The following CAMK4 variants were observed in gnomAD, a reference collection of about 807,000 sequenced individuals.
The protein encoded by CAMK4 is calcium/calmodulin dependent protein kinase IV.
CAMK4 carries 22 observed loss-of-function variants against 44.9 expected under a neutral mutation model. That is an observed-to-expected ratio of 0.49 (90% CI 0.35 to 0.70). The LOEUF is 0.70. CAMK4 is among the 30% of genes least tolerant of loss of function. The pLI is 0.01. For synonymous variants in CAMK4, 218 were observed against 215.4 expected (o/e 1.01, Z -0.11); for missense variants, 498 against 586.8 (o/e 0.85, Z 1.56).
upstream of CAMK4, chr5:111,224,232 T>C: frequency 2.8e-6 from 1 of 362,214 alleles, no homozygotes; most frequent in South Asian, 6.0e-5. This position sits in a 1 kb window ranked among gnomAD's most constrained non-coding sequence, Gnocchi z 5.7. Flanking sequence ...GGAGCCTCTC[T>C]CCTCAGCGGT....
intron 7 of CAMK4, among the ~76,000 whole-genome samples, chr5:111,456,711 C>G (rs190385298): frequency 2.5e-3 from 377 of 151,918 alleles, no homozygotes; most frequent in African/African-American, 8.5e-3. Context: ...TTAAAGACTA[C>G]TGGTTTTCCA....
At chr5:111,391,754 C>A (rs1382452417) in intron 4 of CAMK4, among the ~76,000 whole-genome samples, 1 of 152,054 alleles carries the variant, frequency 6.6e-6, no homozygotes, top group Non-Finnish European at 1.5e-5. Flanking sequence ...AAAGATTATG[C>A]CACAAATCTG....
intron 7 of CAMK4, among the ~76,000 whole-genome samples, chr5:111,470,291 A>T (rs1755018300): frequency 6.6e-6 from 1 of 152,222 alleles, no homozygotes; most frequent in South Asian, 2.1e-4. Context: ...ATGTTTCTTA[A>T]TTTTGTTAAT....
intron 7 of CAMK4, among the ~76,000 whole-genome samples, chr5:111,453,430 C>G (rs1561497063): frequency 1.3e-5 from 2 of 152,162 alleles, no homozygotes; most frequent in Non-Finnish European, 2.9e-5. Flanking sequence ...CCTTTCTTCC[C>G]TCACCACAGA....
At chr5:111,385,288 A>G (rs1482538387) in intron 4 of CAMK4, among the ~76,000 whole-genome samples, 1 of 152,146 alleles carries the variant, frequency 6.6e-6, no homozygotes, top group Non-Finnish European at 1.5e-5. Context: ...TGTAGAGTAC[A>G]AAACAAGGGG....
chr5:111,442,069 A>G (rs74541423), intron 5 of CAMK4, among the ~76,000 whole-genome samples: 3 of 152,152 alleles, frequency 2.0e-5, no homozygotes, highest in Non-Finnish European at 4.4e-5. Flanking sequence ...CAGCTCTTTA[A>G]ATTGATCTTT....
At chr5:111,322,056 A>G (rs1209116132) in intron 1 of CAMK4, among the ~76,000 whole-genome samples, 2 of 152,112 alleles carry the variant, frequency 1.3e-5, no homozygotes, top group Non-Finnish European at 2.9e-5. Context: ...CCCTTCTTCT[A>G]TAAACAACCT....
chr5:111,231,184 C>G (rs1015028297), intron 1 of CAMK4, among the ~76,000 whole-genome samples: 3 of 152,148 alleles, frequency 2.0e-5, no homozygotes, highest in Non-Finnish European at 4.4e-5. Flanking sequence ...AGAGATTTTC[C>G]TCAGTCATTA....
chr5:111,418,710 G>C (rs1397451634), intron 5 of CAMK4, among the ~76,000 whole-genome samples: 1 of 150,714 alleles, frequency 6.6e-6, no homozygotes, highest in African/African-American at 2.4e-5. Context: ...TTTTGTCCTT[G>C]TGATAGTTTA....
chr5:111,474,994 T>G (rs556468518), intron 8 of CAMK4, among the ~76,000 whole-genome samples: 47 of 152,226 alleles, frequency 3.1e-4, no homozygotes, highest in Non-Finnish European at 6.3e-4. Flanking sequence ...AAACCCCGTC[T>G]CTACTAAAAA....
At chr5:111,480,683 T>A (rs144443606) in intron 9 of CAMK4, among the ~76,000 whole-genome samples, 1 of 152,170 alleles carries the variant, frequency 6.6e-6, no homozygotes, top group East Asian at 1.9e-4. Flanking sequence ...AACCTTGCTA[T>A]GCTTTAGTTT....
intron 2 of CAMK4, among the ~76,000 whole-genome samples, chr5:111,348,983 A>G (rs1749981996): frequency 6.6e-6 from 1 of 152,026 alleles, no homozygotes; most frequent in Non-Finnish European, 1.5e-5. Context: ...AAAACCCTGG[A>G]TATTTCCTGT....
chr5:111,419,620 A>C (rs539580768), intron 5 of CAMK4, among the ~76,000 whole-genome samples: 16 of 152,208 alleles, frequency 1.1e-4, no homozygotes, highest in African/African-American at 3.9e-4. Flanking sequence ...TAATTTTTGT[A>C]TAAGGTGTAA....
rs114164146 is a variant in CAMK4 at position 111,474,511 on chromosome 5, C to T, written c.701+1125C>T. ...CCCCACTCTCATGACCTCATCTAAA[C>T]CTGATTGCCTCCCAAGGGCTCCATC... On this transcript the variant is annotated intron_variant, in intron 8 of 10. Coordinates refer to ENST00000282356, the MANE Select transcript of CAMK4 (RefSeq NM_001744.6). Among the ~76,000 whole-genome samples, 1,320 of 152,296 alleles carry T rather than the reference C, an allele frequency of 8.7e-3. 20 individuals are homozygous for T. Among genetic ancestry groups the T allele is most frequent in the African/African-American group, 0.03 (1,247 of 41,570 alleles).
At chr5:111,297,209 T>G (rs1747525315) in intron 1 of CAMK4, among the ~76,000 whole-genome samples, 1 of 152,218 alleles carries the variant, frequency 6.6e-6, no homozygotes, top group South Asian at 2.1e-4. Flanking sequence ...ACTTAAAAAT[T>G]AAATAATAAA....
chr5:111,331,926 C>A (rs1457067229), intron 1 of CAMK4, among the ~76,000 whole-genome samples: 1 of 151,416 alleles, frequency 6.6e-6, no homozygotes, highest in Admixed American at 6.6e-5. Flanking sequence ...GGGGCCAGAA[C>A]CATCCTTATA....
intron 1 of CAMK4, among the ~76,000 whole-genome samples, chr5:111,264,823 C>A (rs766366747): frequency 6.6e-6 from 1 of 151,984 alleles, no homozygotes; most frequent in Non-Finnish European, 1.5e-5. Context: ...CATGGCAATT[C>A]CCCTGTTTCC....
intron 2 of CAMK4, among the ~76,000 whole-genome samples, chr5:111,350,811 C>T (rs994059770): frequency 2.0e-5 from 3 of 152,072 alleles, no homozygotes; most frequent in African/African-American, 7.2e-5. Flanking sequence ...AAGAAGCACA[C>T]ATTGTGATTT....
At chr5:111,397,447 A>AAAAAAC (rs1003649330) in intron 5 of CAMK4, among the ~76,000 whole-genome samples, 1 of 152,220 alleles carries the variant, frequency 6.6e-6, no homozygotes, top group African/African-American at 2.4e-5. Context: ...AGCTAAGTAC[A>AAAAAAC]AAAAACAAAA....
Sources: allele counts gnomAD v4.1 joint callset (sites outside exome capture counted in the v4.1 genomes callset), GRCh38; gene constraint gnomAD v4.1.1; non-coding constraint Gnocchi (gnomAD v3.1); transcripts MANE v1.5; gene names NCBI Gene and HGNC (gene_info 2026-07-23, HGNC 2026-07-21).